The following RNF38 variants were observed in gnomAD, a reference collection of about 807,000 sequenced individuals.
The protein encoded by RNF38 is ring finger protein 38.
RNF38 carries 15 observed loss-of-function variants against 67.2 expected under a neutral mutation model. The ratio of observed to expected loss-of-function variants is 0.22; its 90% CI spans 0.15 to 0.34. The LOEUF is 0.34. Ranked by LOEUF, RNF38 falls within the 10% of genes least tolerant of loss-of-function variation. The pLI is 1.00. For synonymous variants in RNF38, 220 were observed against 218.8 expected, an observed-to-expected ratio of 1.01 and a Z score of -0.05; for missense variants, 524 against 639.9, an observed-to-expected ratio of 0.82 and a Z score of 1.95.
At chr9:36,449,230 A>T (rs915476025) in intron 1 of RNF38, among the ~76,000 whole-genome samples, 1 of 152,080 alleles carries the variant, frequency 6.6e-6, no homozygotes, top group Non-Finnish European at 1.5e-5. Context: ...AAAGTGTTTG[A>T]GACCAGCCTG....
chr9:36,487,631 C>A (rs1346415297), upstream of RNF38: 30 of 957,254 alleles, frequency 3.1e-5, no homozygotes, highest in Non-Finnish European at 3.7e-5. Context: ...GGGCCCCGGC[C>A]GGCAGCAGCG....
At chr9:36,428,454 C>CATATATATATATAT (rs10588812) in intron 1 of RNF38, among the ~76,000 whole-genome samples, 3 of 146,128 alleles carry the variant, frequency 2.1e-5, no homozygotes, top group African/African-American at 7.7e-5. Flanking sequence ...CTATTGTTTA[C>CATATATATATATAT]ATATATATAT....
intron 1 of RNF38, among the ~76,000 whole-genome samples, chr9:36,464,519 T>C (rs1448533649): frequency 2.7e-5 from 4 of 150,216 alleles, no homozygotes; most frequent in African/African-American, 9.8e-5. Context: ...TGTGGTAAGC[T>C]GAGATCGCGC....
chr9:36,435,184 C>T (rs1839034730), intron 1 of RNF38, among the ~76,000 whole-genome samples: 2 of 152,194 alleles, frequency 1.3e-5, no homozygotes, highest in Admixed American at 6.6e-5. Context: ...CGAAGCAGGA[C>T]AGGCATCAAA....
rs778731662 is a variant in RNF38 at position 36,369,745 on chromosome 9, C to A, written c.544G>T (p.Ala182Ser). The change falls in exon 4 of 12, where the codon GCA becomes TCA. Residue 182 changes from alanine to serine, a missense_variant. By Grantham distance (99) the Ala-to-Ser change is moderately conservative. Transcript: ENST00000259605. ...HPAAHPPQQN[A>S]VMVDIHDQLH... ...TGATCATGTATGTCAACCATGACTG[C>A]ATTCTGCTGGGGTGGATGAGCAGCA... 2 of 1,613,532 alleles carry A rather than the reference C, an allele frequency of 1.2e-6. No homozygotes were observed. The highest frequency in any genetic ancestry group is 1.7e-6 in the Non-Finnish European group (2 of 1,179,772).
At chr9:36,430,995 T>C (rs548541856) in intron 1 of RNF38, among the ~76,000 whole-genome samples, 62 of 152,306 alleles carry the variant, frequency 4.1e-4, no homozygotes, top group Middle Eastern at 3.4e-3. Flanking sequence ...CCATAGTTAA[T>C]GTAGACCCCA....
intron 3 of RNF38, among the ~76,000 whole-genome samples, chr9:36,375,357 A>G (rs1835710552): frequency 6.6e-6 from 1 of 151,976 alleles, no homozygotes; most frequent in South Asian, 2.1e-4. Flanking sequence ...TCCTCAGCTA[A>G]TTTTTTGTTT....
At chr9:36,484,131 G>A (rs1040693181) in intron 1 of RNF38, among the ~76,000 whole-genome samples, 6 of 152,080 alleles carry the variant, frequency 3.9e-5, no homozygotes, top group African/African-American at 1.4e-4. Context: ...AATCTACTGG[G>A]GAGTTTTCTC....
intron 2 of RNF38, among the ~76,000 whole-genome samples, chr9:36,418,741 GTGCCACTGCACTCC>G (rs1564055286): frequency 2.6e-5 from 4 of 151,806 alleles, no homozygotes; most frequent in African/African-American, 4.8e-5. Flanking sequence ...AGGCGAGATG[GTGCCACTGCACTCC>G]AGCCTGGGTG....
chr9:36,402,342 TTTTG>T (rs942340123), upstream of RNF38, among the ~76,000 whole-genome samples: 14 of 152,164 alleles, frequency 9.2e-5, no homozygotes, highest in African/African-American at 2.7e-4. Flanking sequence ...AACTTGTTTT[TTTTG>T]TTTGTTTGTT....
At chr9:36,374,093 ATATT>A (rs1258292740) in intron 3 of RNF38, among the ~76,000 whole-genome samples, 4 of 152,252 alleles carry the variant, frequency 2.6e-5, no homozygotes, top group African/African-American at 9.6e-5. Flanking sequence ...CATGCTTATT[ATATT>A]TAATAGCTAT....
At chr9:36,385,888 T>C (rs919696918) in intron 2 of RNF38, among the ~76,000 whole-genome samples, 1 of 152,156 alleles carries the variant, frequency 6.6e-6, no homozygotes, top group Non-Finnish European at 1.5e-5. Context: ...ATCTGCCATA[T>C]TTACCTGACC....
intron 2 of RNF38, among the ~76,000 whole-genome samples, chr9:36,416,742 AT>A (rs386414907): frequency 0.022 from 1,374 of 63,280 alleles, 4 homozygotes; most frequent in African/African-American, 0.029. Context: ...CTGCCTCGAT[AT>A]TTTTTTTTTT....
rs1308410432 is a variant in RNF38 at position 36,351,143 on chromosome 9, A to C, written c.1235T>G (p.Val412Gly). ...GTAATTTTCTACTTCTCCATCTTCT[A>C]CATCTAATTCAAAGCTGAAAGTTGG... ...VGPTFSFELD[V>G]EDGEVENYEA... Residue 412 changes from valine (V) to glycine (G), a missense_variant, in exon 9 of 12, where the codon GTA (valine) becomes GGA (glycine). Coordinates refer to ENST00000259605, the MANE Select transcript of RNF38 (RefSeq NM_022781.5). 3.1e-6 allele frequency: 5 copies of C among 1,612,528 alleles called. No individual in the cohort carries two copies. Among genetic ancestry groups the C allele is most frequent in the African/African-American group, 2.7e-5 (2 of 74,906 alleles).
Position 36,337,534 on chromosome 9 carries a change from C to T in RNF38, c.*2218G>A, listed in dbSNP as rs973991754. ...TATATAAATTAGAAAAAGTGCTTTACTTGCATGCTTCAATAAAATGAATAC... is the reference window on the plus strand; with the variant it reads ...TATATAAATTAGAAAAAGTGCTTTATTTGCATGCTTCAATAAAATGAATAC... On this transcript the variant is annotated 3_prime_UTR_variant, in exon 12 of 12. Coordinates refer to ENST00000259605, the MANE Select transcript of RNF38 (RefSeq NM_022781.5). The T allele has an allele frequency of 6.6e-6, 1 of 152,628 alleles. No individual in the cohort carries two copies. Among genetic ancestry groups the T allele is most frequent in the Non-Finnish European group, 1.5e-5 (1 of 68,038 alleles). The allele number at this position is 152,628 out of a possible 1,614,324, so 9.5% of individuals were successfully genotyped here. A position where few individuals can be genotyped will look rare whatever the true frequency, so the allele number is the denominator to read the frequency against.
intron 1 of RNF38, among the ~76,000 whole-genome samples, chr9:36,458,966 T>G (rs1839658728): frequency 6.6e-6 from 1 of 152,038 alleles, no homozygotes; most frequent in African/African-American, 2.4e-5. Context: ...TCCCAGCACT[T>G]TGGGAGGCCA....
chr9:36,456,619 G>A (rs905685090), intron 1 of RNF38, among the ~76,000 whole-genome samples: 5 of 152,008 alleles, frequency 3.3e-5, no homozygotes, highest in African/African-American at 1.2e-4. Context: ...TGTCTCTCCT[G>A]CTGGGCTGAG....
At chr9:36,446,823 A>AAAG (rs1839314214) in intron 1 of RNF38, among the ~76,000 whole-genome samples, 1 of 145,528 alleles carries the variant, frequency 6.9e-6, no homozygotes, top group East Asian at 2.0e-4. Context: ...AAAAAAAAAA[A>AAAG]AAAAAAAAAA....
intron 1 of RNF38, among the ~76,000 whole-genome samples, chr9:36,467,618 T>C (rs546682298): frequency 1.1e-4 from 16 of 152,136 alleles, no homozygotes; most frequent in Non-Finnish European, 2.1e-4. Flanking sequence ...CTACCAATAA[T>C]AACACCATTA....
Sources: allele counts gnomAD v4.1 joint callset (sites outside exome capture counted in the v4.1 genomes callset), GRCh38; gene constraint gnomAD v4.1.1; transcripts MANE v1.5; gene names NCBI Gene and HGNC (gene_info 2026-07-23, HGNC 2026-07-21).